PPP2R5C: variants seen among roughly 807,000 people sequenced by gnomAD.
PPP2R5C encodes the protein protein phosphatase 2 regulatory subunit B'gamma.
A neutral mutation model predicts 68.9 loss-of-function variants in PPP2R5C; 7 were observed. That is an observed-to-expected ratio of 0.10 (90% CI 0.06 to 0.19). The LOEUF is 0.19. PPP2R5C is among the 10% of genes least tolerant of loss of function. The probability of loss-of-function intolerance (pLI) is 1.00; values close to 1 mark genes in which losing one functional copy is unlikely to be tolerated. For synonymous variants in PPP2R5C, 210 were observed against 222.2 expected, an observed-to-expected ratio of 0.95 and a Z score of 0.49; for missense variants, 348 against 641.3, an observed-to-expected ratio of 0.54 and a Z score of 4.94.
chr14:101,890,419 A>G (rs2044792010), intron 6 of PPP2R5C, 123 bp downstream of exon 8: 3 of 918,362 alleles, frequency 3.3e-6, no homozygotes, highest in East Asian at 2.6e-5. Flanking sequence ...AAAAGAATTC[A>G]AATACAATTT....
At chr14:101,878,093 A>G (rs893312600) in intron 2 of PPP2R5C, among the ~76,000 whole-genome samples, 13 of 152,316 alleles carry the variant, frequency 8.5e-5, no homozygotes, top group African/African-American at 2.9e-4. Context: ...GTGCCCTCCC[A>G]TGGCCTTTGC....
In PPP2R5C at chr14:101,799,394, G is replaced by A. The variant is rs114258401; in HGVS notation, c.259+13211G>A. Among the ~76,000 whole-genome samples the A allele has an allele frequency of 5.9e-3, 902 of 152,218 alleles. 7 individuals carry two copies. Among genetic ancestry groups the A allele is most frequent in the African/African-American group, 0.02 (838 of 41,524 alleles). Reference sequence around the variant, plus strand: ...ATGGGGAGCGCACTCCATATCTGACGCTGGCTTCTCTAAACGTGAGGGGAT... The same window carrying A: ...ATGGGGAGCGCACTCCATATCTGACACTGGCTTCTCTAAACGTGAGGGGAT... On this transcript the variant is annotated intron_variant, in intron 3 of 14. Transcript: ENST00000328724.
At chr14:101,769,659 A>T (rs541335500) in intron 2 of PPP2R5C, among the ~76,000 whole-genome samples, 27 of 152,316 alleles carry the variant, frequency 1.8e-4, no homozygotes, top group Admixed American at 3.3e-4. Context: ...TGTCTTGGGA[A>T]AATTTTAAAA....
rs751735682 is a variant in PPP2R5C at position 101,917,305 on chromosome 14, G to A, written c.1327-526G>A. 9.8e-5 allele frequency among the ~76,000 whole-genome samples: 15 copies of A among 152,292 alleles called. No individual in the cohort carries two copies. The highest frequency in any genetic ancestry group is 6.2e-4 in the South Asian group (3 of 4,830). Reference sequence around the variant, plus strand: ...TGTTTTGGTGGAGAGCAAGTCACCCGGGATGTGATGAGAGGGTTTCATAAG... The same window carrying A: ...TGTTTTGGTGGAGAGCAAGTCACCCAGGATGTGATGAGAGGGTTTCATAAG... On this transcript the variant is annotated intron_variant, in intron 12 of 13. Coordinates refer to ENST00000334743, the Ensembl canonical transcript of PPP2R5C. The surrounding 1 kb of genome is among the most constrained non-coding windows in gnomAD (Gnocchi z 4.4).
intron 13 of PPP2R5C, among the ~76,000 whole-genome samples, chr14:101,924,754 T>G (rs1370462363): frequency 1.3e-5 from 2 of 152,096 alleles, no homozygotes; most frequent in African/African-American, 4.8e-5. Context: ...AATTTCTGCT[T>G]CTTGAAATGC....
At chr14:101,893,207 T>C in intron 7 of PPP2R5C, 99 bp downstream of exon 9, 2 of 777,884 alleles carry the variant, frequency 2.6e-6, no homozygotes, top group Non-Finnish European at 4.3e-6. Context: ...GCTTTCTTCT[T>C]TATAGGCCTG....
At chr14:101,784,547 G>C (rs558247839) in intron 2 of PPP2R5C, among the ~76,000 whole-genome samples, 27 of 152,078 alleles carry the variant, frequency 1.8e-4, no homozygotes, top group African/African-American at 5.5e-4. Flanking sequence ...TAAGTCATCA[G>C]ATCTCCTGAG....
intron 2 of PPP2R5C, among the ~76,000 whole-genome samples, chr14:101,866,535 T>C (rs964447262): frequency 6.6e-6 from 1 of 152,142 alleles, no homozygotes; most frequent in African/African-American, 2.4e-5. Context: ...CTGGGCATGG[T>C]GTTGCACACC....
intron 2 of PPP2R5C, among the ~76,000 whole-genome samples, chr14:101,871,787 TTTAA>T (rs1250751503): frequency 6.6e-6 from 1 of 152,200 alleles, no homozygotes; most frequent in East Asian, 1.9e-4. Flanking sequence ...ATTGTTTGAT[TTTAA>T]TTGTTAGTCT....
chr14:101,819,884 A>G (rs547882868), intron 1 of PPP2R5C: 8 of 152,404 alleles, frequency 5.2e-5, no homozygotes, highest in African/African-American at 1.7e-4. Context: ...TTGGCCTCCC[A>G]GAGTGCTGGG....
intron 1 of PPP2R5C, among the ~76,000 whole-genome samples, chr14:101,842,236 G>A (rs1299461190): frequency 2.6e-5 from 4 of 152,048 alleles, no homozygotes; most frequent in Non-Finnish European, 4.4e-5. Flanking sequence ...TTGAATAACC[G>A]GCCAGCCATA....
intron 5 of PPP2R5C, among the ~76,000 whole-genome samples, chr14:101,886,767 C>T (rs971153247): frequency 1.3e-5 from 2 of 149,456 alleles, no homozygotes; most frequent in African/African-American, 5.0e-5. Flanking sequence ...ACTCTGTCAC[C>T]CAGGCTGGAG....
At chr14:101,866,044 G>A (rs997001488) in intron 2 of PPP2R5C, among the ~76,000 whole-genome samples, 2 of 152,112 alleles carry the variant, frequency 1.3e-5, no homozygotes, top group African/African-American at 4.8e-5. Context: ...ACAGGCATGC[G>A]CCACCACACC....
chr14:101,860,318 G>A (rs997498047), intron 2 of PPP2R5C, among the ~76,000 whole-genome samples: 5 of 152,078 alleles, frequency 3.3e-5, no homozygotes, highest in Non-Finnish European at 7.4e-5. Flanking sequence ...TTTGGTGTCC[G>A]CCTTCCTTCA....
At chr14:101,850,268 C>T (rs939666253) in intron 1 of PPP2R5C, among the ~76,000 whole-genome samples, 3 of 152,102 alleles carry the variant, frequency 2.0e-5, no homozygotes, top group Non-Finnish European at 4.4e-5. Flanking sequence ...GAAAGGAAAA[C>T]CAGAGGGATT....
chr14:101,885,501 C>T (rs997271075), intron 5 of PPP2R5C, among the ~76,000 whole-genome samples: 2 of 140,518 alleles, frequency 1.4e-5, no homozygotes, highest in Non-Finnish European at 3.0e-5. Flanking sequence ...CATCCCGTGC[C>T]GGCTTGCACA....
chr14:101,824,281 G>C (rs1249254401), intron 1 of PPP2R5C: 6 of 961,008 alleles, frequency 6.2e-6, no homozygotes, highest in Non-Finnish European at 6.8e-6. Flanking sequence ...AGTTCTTGCG[G>C]GGTAGGAGAG....
chr14:101,867,270 G>A lies in PPP2R5C; in HGVS notation c.294+10385G>A, dbSNP rs1257378023. 6.6e-5 allele frequency among the ~76,000 whole-genome samples: 10 copies of A among 151,784 alleles called. No individual in the cohort carries two copies. The South Asian group carries it at 1.0e-3, about 16-fold the overall frequency. On this transcript the variant is annotated intron_variant, in intron 2 of 13. Coordinates refer to ENST00000334743, the Ensembl canonical transcript of PPP2R5C. ...TTTTTTAATAGCTGGGTGTGGTGGC[G>A]CACGCCTGCACCTATATGCCTAGCT...
intron 2 of PPP2R5C, among the ~76,000 whole-genome samples, chr14:101,873,915 G>A (rs1469129004): frequency 2.6e-5 from 4 of 152,086 alleles, no homozygotes; most frequent in African/African-American, 9.7e-5. Context: ...GAAATCCAGT[G>A]TCTTGAAAAC....
Sources: gnomAD v4.1 joint callset for allele counts (sites outside exome capture counted in the v4.1 genomes callset) on GRCh38, gnomAD v4.1.1 for gene constraint, Gnocchi (gnomAD v3.1) non-coding constraint, MANE v1.5 for transcripts, NCBI Gene and HGNC (gene_info 2026-07-23, HGNC 2026-07-21) for gene names.